Variants in SPAG16 observed in about 807,000 individuals in gnomAD.
The protein encoded by SPAG16 is sperm-associated antigen 16 protein.
SPAG16 carries 86 observed loss-of-function variants against 80.4 expected under a neutral mutation model. The ratio of observed to expected loss-of-function variants is 1.07; its 90% confidence interval spans 0.90 to 1.28. SPAG16 has a LOEUF of 1.28. SPAG16 is among the 50% of genes most tolerant of loss of function. The pLI is 0.00. For synonymous variants in SPAG16, 294 were observed against 265.9 expected (o/e 1.11, Z -1.03); for missense variants, 870 against 765.3 (o/e 1.14, Z -1.61).
At chr2:213,386,329 G>T (rs1189119321) in intron 9 of SPAG16, among the ~76,000 whole-genome samples, 1 of 152,098 alleles carries the variant, frequency 6.6e-6, no homozygotes, top group African/African-American at 2.4e-5. Context: ...TATATATTTT[G>T]GTTGGATTTA....
intron 15 of SPAG16, among the ~76,000 whole-genome samples, chr2:214,155,712 C>G (rs1048943915): frequency 3.3e-5 from 5 of 152,078 alleles, no homozygotes; most frequent in African/African-American, 1.2e-4. Flanking sequence ...AGAAGAATAT[C>G]GCCTCCATAG....
At chr2:213,759,049 T>C (rs2068502686) in intron 10 of SPAG16, among the ~76,000 whole-genome samples, 1 of 152,064 alleles carries the variant, frequency 6.6e-6, no homozygotes, top group African/African-American at 2.4e-5. Flanking sequence ...GAAAACATTA[T>C]CAAACAAGAA....
chr2:213,758,578 A>C (rs1337703908), intron 10 of SPAG16, among the ~76,000 whole-genome samples: 1 of 152,148 alleles, frequency 6.6e-6, no homozygotes, highest in Non-Finnish European at 1.5e-5. Flanking sequence ...GAGCGATTCA[A>C]AGGAAGATTT....
chr2:214,297,887 A>G (rs1408361857), intron 15 of SPAG16, among the ~76,000 whole-genome samples: 1 of 150,812 alleles, frequency 6.6e-6, no homozygotes, highest in Non-Finnish European at 1.5e-5. Context: ...GAAAAATGAC[A>G]TTAGTAATTT....
chr2:213,951,078 A>T (rs2079752466), intron 12 of SPAG16, among the ~76,000 whole-genome samples: 1 of 151,328 alleles, frequency 6.6e-6, no homozygotes, highest in Non-Finnish European at 1.5e-5. Context: ...CCTCTGAAGC[A>T]CTTTTAGTTT....
chr2:213,604,872 C>T (rs2061199339), intron 10 of SPAG16, among the ~76,000 whole-genome samples: 1 of 150,728 alleles, frequency 6.6e-6, no homozygotes, highest in Non-Finnish European at 1.5e-5. Flanking sequence ...CTTCTCATTT[C>T]TTCCACTTTT....
intron 9 of SPAG16, among the ~76,000 whole-genome samples, chr2:213,377,895 ATATATATATTT>A (rs1440874747): frequency 0.083 from 4,067 of 49,264 alleles, 71 homozygotes; most frequent in South Asian, 0.21. Flanking sequence ...ATATATATAT[ATATATATATTT>A]TTTTTTTTTT....
intron 15 of SPAG16, among the ~76,000 whole-genome samples, chr2:214,237,762 A>C (rs1487089582): frequency 6.6e-6 from 1 of 152,046 alleles, no homozygotes; most frequent in Non-Finnish European, 1.5e-5. Context: ...TGGATGTGAA[A>C]GTATACACAC....
intron 11 of SPAG16, 82 bp from the exon 12 acceptor site, chr2:213,929,874 TACAC>T (rs1322695932): frequency 8.5e-7 from 1 of 1,180,476 alleles, no homozygotes; most frequent in Non-Finnish European, 1.2e-6. Flanking sequence ...TACATACACA[TACAC>T]ACAAATTACT....
chr2:213,566,729 T>G (rs1046716651), intron 10 of SPAG16, among the ~76,000 whole-genome samples: 1 of 152,178 alleles, frequency 6.6e-6, no homozygotes, highest in Non-Finnish European at 1.5e-5. Flanking sequence ...GTCCTTCTGG[T>G]GATGGTGTAT....
chr2:213,889,615 A>ACAC (rs1559555609), intron 11 of SPAG16, among the ~76,000 whole-genome samples: 3 of 149,722 alleles, frequency 2.0e-5, no homozygotes, highest in Non-Finnish European at 3.0e-5. Context: ...CACACACACA[A>ACAC]AATATATATA....
At chr2:213,810,381 G>A (rs2072056867) in intron 10 of SPAG16, among the ~76,000 whole-genome samples, 1 of 152,112 alleles carries the variant, frequency 6.6e-6, no homozygotes, top group Non-Finnish European at 1.5e-5. Flanking sequence ...GCAAGTTTAA[G>A]TAATTTATTG....
rs535450199 is a variant in SPAG16 at position 214,173,020 on chromosome 2, G to A, written c.1720+23754G>A. Reference sequence around the variant, plus strand: ...TAGCCCTTTGTCAGATGAGTAGGTTGCGAAAATTTTCTCCCATTTTGTAGG... The same window carrying A: ...TAGCCCTTTGTCAGATGAGTAGGTTACGAAAATTTTCTCCCATTTTGTAGG... On this transcript the variant is annotated intron_variant, in intron 15 of 15. Coordinates refer to ENST00000331683, the MANE Select transcript of SPAG16 (RefSeq NM_024532.5). Among the ~76,000 whole-genome samples the A allele has an allele frequency of 1.4e-4, 21 of 151,050 alleles. 1 individual carries two copies. The South Asian group carries it at 4.4e-3, about 32-fold the overall frequency.
chr2:213,991,834 C>T (rs1414364524), intron 12 of SPAG16, among the ~76,000 whole-genome samples: 1 of 151,728 alleles, frequency 6.6e-6, no homozygotes, highest in African/African-American at 2.4e-5. Flanking sequence ...TCACCACTCT[C>T]AAGGGGACAT....
At chr2:214,006,959 T>C (rs1296411081) in intron 12 of SPAG16, among the ~76,000 whole-genome samples, 2 of 152,178 alleles carry the variant, frequency 1.3e-5, no homozygotes, top group African/African-American at 4.8e-5. Flanking sequence ...CCCACCACCA[T>C]AAGTGAATAT....
At chr2:213,594,423 T>C (rs995331015) in intron 10 of SPAG16, among the ~76,000 whole-genome samples, 2 of 152,242 alleles carry the variant, frequency 1.3e-5, no homozygotes, top group Non-Finnish European at 2.9e-5. Context: ...CTTTATACTT[T>C]AAGTTTCATT....
At chr2:214,039,468 A>G (rs1337051570) in intron 13 of SPAG16, among the ~76,000 whole-genome samples, 1 of 152,238 alleles carries the variant, frequency 6.6e-6, no homozygotes, top group Admixed American at 6.5e-5. Flanking sequence ...ATTAAACTAA[A>G]GAGCTTCTGC....
At chr2:214,392,059 T>C (rs1442251102) in intron 15 of SPAG16, among the ~76,000 whole-genome samples, 1 of 152,192 alleles carries the variant, frequency 6.6e-6, no homozygotes, top group African/African-American at 2.4e-5. Flanking sequence ...AACCACAAGA[T>C]TCATTGCTGA....
chr2:213,962,921 T>C (rs1003362415), intron 12 of SPAG16, among the ~76,000 whole-genome samples: 11 of 152,166 alleles, frequency 7.2e-5, no homozygotes, highest in African/African-American at 2.7e-4. Context: ...TAGTCTTCTC[T>C]GTTTTTTTTC....
Sources: gnomAD v4.1 joint callset for allele counts (sites outside exome capture counted in the v4.1 genomes callset) on GRCh38, gnomAD v4.1.1 for gene constraint, MANE v1.5 for transcripts, NCBI Gene and HGNC (gene_info 2026-07-23, HGNC 2026-07-21) for gene names.